The following ITFG1 variants were observed in gnomAD, a reference collection of about 807,000 sequenced individuals.
ITFG1 encodes T-cell immunomodulatory protein.
In ITFG1, 34 loss-of-function variants were observed where a neutral mutation model predicts 81.8. That is an observed-to-expected ratio of 0.42 (90% confidence interval 0.32 to 0.55). ITFG1 has a LOEUF of 0.55. Ranked by LOEUF, ITFG1 falls within the 20% of genes least tolerant of loss-of-function variation. ITFG1 has a pLI of 0.17. For missense variants in ITFG1, 672 were observed against 755.4 expected (o/e 0.89, Z 1.29); for synonymous variants, 285 against 270.6 (o/e 1.05, Z -0.52).
intron 10 of ITFG1, among the ~76,000 whole-genome samples, chr16:47,297,139 C>T (rs567252808): frequency 1.3e-5 from 2 of 152,158 alleles, no homozygotes; most frequent in South Asian, 4.1e-4. Context: ...TTGTTATATT[C>T]TCTTGTTGAC....
rs1965776018 is a variant in ITFG1, at chr16:47,228,066, T to G, written c.1375-9120A>C. 2.6e-5 allele frequency among the ~76,000 whole-genome samples: 4 copies of G among 152,212 alleles called. No individual in the cohort carries two copies. In the South Asian group the frequency reaches 8.3e-4, roughly 32 times the overall value. ...TTTTCCAATGAAAACTGCAAGATAT[T>G]TTCCCTCTGACTAAGGTAAGTAAAG... On this transcript the variant is annotated intron_variant, in intron 13 of 17. Coordinates refer to ENST00000320640, the MANE Select transcript of ITFG1 (RefSeq NM_030790.5).
At chr16:47,326,527 T>A (rs1362315357) in intron 8 of ITFG1, among the ~76,000 whole-genome samples, 1 of 152,128 alleles carries the variant, frequency 6.6e-6, no homozygotes, top group Non-Finnish European at 1.5e-5. Context: ...AAAGAGGAAG[T>A]CAAATTGTCC....
chr16:47,428,654 T>C, intron 6 of ITFG1, 150 bp downstream of exon 6: 1 of 630,168 alleles, frequency 1.6e-6, no homozygotes, highest in Non-Finnish European at 2.8e-6. Context: ...CAGTACTTTT[T>C]CCATGTTTCC....
intron 8 of ITFG1, among the ~76,000 whole-genome samples, chr16:47,351,616 C>T (rs1047706483): frequency 3.3e-5 from 5 of 152,128 alleles, no homozygotes; most frequent in East Asian, 1.9e-4. Context: ...GAATCAATAT[C>T]GTGAACATTG....
chr16:47,229,675 T>A (rs1440081361), intron 13 of ITFG1, among the ~76,000 whole-genome samples: 4 of 149,256 alleles, frequency 2.7e-5, no homozygotes, highest in Non-Finnish European at 5.9e-5. Flanking sequence ...AGAATGATAA[T>A]CTAGTAGATT....
chr16:47,343,442 A>T (rs1379868332), intron 8 of ITFG1, among the ~76,000 whole-genome samples: 1 of 152,164 alleles, frequency 6.6e-6, no homozygotes, highest in Admixed American at 6.5e-5. Flanking sequence ...TTACATAGAT[A>T]TGTTTAAATA....
intron 10 of ITFG1, among the ~76,000 whole-genome samples, chr16:47,296,759 CG>C (rs1221537640): frequency 2.4e-4 from 37 of 152,080 alleles, no homozygotes; most frequent in African/African-American, 8.2e-4. Flanking sequence ...TGAGAATTTC[CG>C]TTGGTATTGA....
chr16:47,259,523 C>T (rs1966180210), intron 11 of ITFG1, among the ~76,000 whole-genome samples: 1 of 152,058 alleles, frequency 6.6e-6, no homozygotes, highest in African/African-American at 2.4e-5. Flanking sequence ...GATTTGATTG[C>T]AGGAGAAACG....
At chr16:47,281,638 G>A (rs1387448353) in intron 10 of ITFG1, among the ~76,000 whole-genome samples, 1 of 152,136 alleles carries the variant, frequency 6.6e-6, no homozygotes, top group Non-Finnish European at 1.5e-5. Context: ...GTTAAATTAA[G>A]TCAAAGTTGT....
intron 8 of ITFG1, among the ~76,000 whole-genome samples, chr16:47,325,513 C>CA (rs1287028854): frequency 1.3e-5 from 2 of 151,906 alleles, no homozygotes; most frequent in Non-Finnish European, 2.9e-5. Flanking sequence ...AAAAACCCTT[C>CA]AAAAAATCAA....
intron 14 of ITFG1, among the ~76,000 whole-genome samples, chr16:47,164,661 G>T (rs1346358129): frequency 3.3e-5 from 5 of 152,314 alleles, no homozygotes; most frequent in Non-Finnish European, 4.4e-5. Context: ...ACATGCTTAG[G>T]TAGCTGAGAT....
chr16:47,253,200 C>G (rs568471571), intron 12 of ITFG1, among the ~76,000 whole-genome samples: 2 of 152,234 alleles, frequency 1.3e-5, no homozygotes, highest in South Asian at 4.2e-4. Flanking sequence ...ATTAGAGATT[C>G]TCAAGACTCT....
At chr16:47,379,794 C>A (rs1344076713) in intron 6 of ITFG1, among the ~76,000 whole-genome samples, 1 of 151,994 alleles carries the variant, frequency 6.6e-6, no homozygotes, top group Non-Finnish European at 1.5e-5. Flanking sequence ...AAATAAAACA[C>A]CTTTTCCCCC....
chr16:47,237,223 T>C (rs1306199295), intron 13 of ITFG1, among the ~76,000 whole-genome samples: 1 of 152,240 alleles, frequency 6.6e-6, no homozygotes, highest in Non-Finnish European at 1.5e-5. Flanking sequence ...GTCAATGTAA[T>C]GTTTAATGAC....
chr16:47,386,239 CATTT>C (rs1456595075), intron 6 of ITFG1, among the ~76,000 whole-genome samples: 5 of 152,066 alleles, frequency 3.3e-5, no homozygotes, highest in Non-Finnish European at 7.4e-5. Flanking sequence ...AACGAAGAAA[CATTT>C]ATTCAAGAAA....
chr16:47,292,173 C>T (rs1017402040), intron 10 of ITFG1, among the ~76,000 whole-genome samples: 2 of 152,084 alleles, frequency 1.3e-5, no homozygotes, highest in Non-Finnish European at 2.9e-5. Context: ...GCCACCACAC[C>T]CAGCTAAGTT....
At chr16:47,204,712 T>A (rs1257926975) in intron 14 of ITFG1, among the ~76,000 whole-genome samples, 1 of 152,182 alleles carries the variant, frequency 6.6e-6, no homozygotes, top group African/African-American at 2.4e-5. Context: ...CCTGTATTAT[T>A]AAGGTGCATG....
intron 5 of ITFG1, among the ~76,000 whole-genome samples, chr16:47,433,438 G>C (rs1969118063): frequency 6.6e-6 from 1 of 152,164 alleles, no homozygotes; most frequent in South Asian, 2.1e-4. Flanking sequence ...GACAACCCAA[G>C]TGTTAATTTT....
chr16:47,188,654 A>G (rs1235597130), intron 14 of ITFG1, among the ~76,000 whole-genome samples: 1 of 148,316 alleles, frequency 6.7e-6, no homozygotes, highest in African/African-American at 2.5e-5. Context: ...TAGCATTGGG[A>G]GATATACCTA....
Sources: gnomAD v4.1 joint callset for allele counts (sites outside exome capture counted in the v4.1 genomes callset) on GRCh38, gnomAD v4.1.1 for gene constraint, MANE v1.5 for transcripts, NCBI Gene and HGNC (gene_info 2026-07-23, HGNC 2026-07-21) for gene names.